The following ARL15 variants were observed in gnomAD, a reference collection of about 807,000 sequenced individuals.
ARL15 encodes the protein ADP-ribosylation factor-like protein 15.
A neutral mutation model predicts 25.2 loss-of-function variants in ARL15; 19 were observed. The ratio of observed to expected loss-of-function variants is 0.75; its 90% confidence interval spans 0.53 to 1.10. The LOEUF is 1.10. Ranked by LOEUF, ARL15 falls within the 50% of genes least tolerant of loss-of-function variation. ARL15 has a pLI of 0.00. For missense variants in ARL15, 220 were observed against 246.0 expected, an observed-to-expected ratio of 0.89 and a Z score of 0.71; for synonymous variants, 94 against 86.8, an observed-to-expected ratio of 1.08 and a Z score of -0.46.
At chr5:53,897,129 T>C (rs1415168047) in intron 4 of ARL15, among the ~76,000 whole-genome samples, 3 of 152,218 alleles carry the variant, frequency 2.0e-5, no homozygotes, top group Non-Finnish European at 2.9e-5. Flanking sequence ...TTTGAAAGCA[T>C]ACGATTCAGT....
intron 4 of ARL15, among the ~76,000 whole-genome samples, chr5:54,069,558 CAAAAAA>C (rs34795383): frequency 2.3e-3 from 109 of 48,084 alleles, no homozygotes; most frequent in Non-Finnish European, 2.9e-3. Context: ...CAAAACGTCT[CAAAAAA>C]AAAAAAAAAA....
chr5:54,266,032 G>C (rs913159630), intron 1 of ARL15, among the ~76,000 whole-genome samples: 1 of 152,206 alleles, frequency 6.6e-6, no homozygotes, highest in African/African-American at 2.4e-5. Context: ...TTTTATTTCA[G>C]ATCCCTGTTC....
chr5:54,065,120 T>C (rs1751179424), intron 4 of ARL15, among the ~76,000 whole-genome samples: 1 of 152,170 alleles, frequency 6.6e-6, no homozygotes, highest in Non-Finnish European at 1.5e-5. Flanking sequence ...AGCCACAGAA[T>C]TAAATAAATT....
rs545703372 is a variant in ARL15, at chr5:54,129,044, T to G, written c.254-15634A>C. Among the ~76,000 whole-genome samples the G allele has an allele frequency of 2.6e-5, 4 of 152,272 alleles. No individual in the cohort carries two copies. The East Asian group carries it at 7.7e-4, about 29-fold the overall frequency. On this transcript the variant is annotated intron_variant, in intron 3 of 4. Transcript: ENST00000504924. ...TTAAATAAAAACTGGAAAATTAAAT[T>G]TCTTTTCAGTGAGTTATAAGTAAAT...
At chr5:54,033,263 A>C (rs1028818401) in intron 4 of ARL15, among the ~76,000 whole-genome samples, 2 of 151,962 alleles carry the variant, frequency 1.3e-5, no homozygotes, top group Admixed American at 6.6e-5. Context: ...CAGTGAGCTG[A>C]GATCACACCA....
intron 1 of ARL15, among the ~76,000 whole-genome samples, chr5:54,257,339 T>C (rs1314318607): frequency 1.3e-4 from 20 of 152,278 alleles, no homozygotes; most frequent in Admixed American, 1.2e-3. Context: ...GAAAGATCTC[T>C]ACTAGGAGAT....
Position 53,991,768 on chromosome 5 carries a change from T to TGATTAATCTCCCACGTAGC in ARL15, c.463-105056_463-105055insGCTACGTGGGAGATTAATC, listed in dbSNP as rs1748509604. Among the ~76,000 whole-genome samples, 17 of 151,846 alleles carry TGATTAATCTCCCACGTAGC rather than the reference T, an allele frequency of 1.1e-4. No individual in the cohort carries two copies. In the South Asian group the frequency reaches 3.3e-3, roughly 30 times the overall value. On this transcript the variant is annotated intron_variant, in intron 4 of 4. Transcript: ENST00000504924. ...CTTGATTCATGAATCTCCCACGTAG[T>TGATTAATCTCCCACGTAGC]GGGAGAGTGATTAATCTCCCACTAT...
chr5:54,048,719 A>T (rs1310963928), intron 4 of ARL15, among the ~76,000 whole-genome samples: 3 of 151,578 alleles, frequency 2.0e-5, no homozygotes. Context: ...TCTATATTTC[A>T]TGATACTATA....
chr5:53,946,455 GAAAAAAAA>G (rs55727717), intron 4 of ARL15, among the ~76,000 whole-genome samples: 6 of 43,940 alleles, frequency 1.4e-4, no homozygotes, highest in East Asian at 8.0e-4. Context: ...GTCTCAAGAG[GAAAAAAAA>G]AAAAAAAAAA....
chr5:53,966,650 A>G (rs1747575792), intron 4 of ARL15, among the ~76,000 whole-genome samples: 1 of 152,198 alleles, frequency 6.6e-6, no homozygotes, highest in Admixed American at 6.5e-5. Flanking sequence ...TTAATTGCTC[A>G]CTTGGTGGTG....
At chr5:54,047,338 C>A (rs1287636004) in intron 4 of ARL15, among the ~76,000 whole-genome samples, 1 of 152,124 alleles carries the variant, frequency 6.6e-6, no homozygotes, top group African/African-American at 2.4e-5. Context: ...ATACCAAAAC[C>A]AACTAATCAA....
chr5:54,129,720 T>C (rs943044587), intron 3 of ARL15, among the ~76,000 whole-genome samples: 3 of 152,212 alleles, frequency 2.0e-5, no homozygotes, highest in Non-Finnish European at 2.9e-5. Context: ...GAAAGTCTGA[T>C]GAACGCCATT....
Position 54,266,904 on chromosome 5 carries a change from C to T in ARL15, c.48+43528G>A, listed in dbSNP as rs113917992. On this transcript the variant is annotated intron_variant, in intron 1 of 4. Transcript: ENST00000504924. ...TTACTAACAATAAAATGCACACACACGTGAGAAGCAAAAAATAATTGGCTC... is the reference window on the plus strand; with the variant it reads ...TTACTAACAATAAAATGCACACACATGTGAGAAGCAAAAAATAATTGGCTC... 6.3e-3 allele frequency among the ~76,000 whole-genome samples: 960 copies of T among 152,240 alleles called. 7 individuals are homozygous for T. The highest frequency in any genetic ancestry group is 0.022 in the African/African-American group (915 of 41,540).
At chr5:54,072,192 G>C (rs1322304241) in intron 4 of ARL15, among the ~76,000 whole-genome samples, 1 of 152,076 alleles carries the variant, frequency 6.6e-6, no homozygotes, top group Non-Finnish European at 1.5e-5. Flanking sequence ...AGACAGGTTG[G>C]TTACTATCAG....
At chr5:53,995,251 C>T (rs11742688) in intron 4 of ARL15, among the ~76,000 whole-genome samples, 39,842 of 143,158 alleles carry the variant, frequency 0.28, 5,593 homozygotes, top group East Asian at 0.46. Flanking sequence ...GAGGTTGCTC[C>T]GAGCCGAGAT....
chr5:54,081,568 C>T (rs1256424582), intron 4 of ARL15, among the ~76,000 whole-genome samples: 1 of 152,128 alleles, frequency 6.6e-6, no homozygotes, highest in African/African-American at 2.4e-5. Flanking sequence ...TTCCCCCATG[C>T]TCTTCTGGTA....
chr5:54,266,899 A>C lies in ARL15; in HGVS notation c.48+43533T>G, dbSNP rs550112148. On this transcript the variant is annotated intron_variant, in intron 1 of 4. Coordinates refer to ENST00000504924, the MANE Select transcript of ARL15 (RefSeq NM_019087.3). The stretch of plus-strand genomic sequence containing the variant: ...TCACATTACTAACAATAAAATGCAC[A>C]CACACGTGAGAAGCAAAAAATAATT... Among the ~76,000 whole-genome samples the C allele has an allele frequency of 1.8e-3, 274 of 152,342 alleles. 1 individual carries two copies. Among genetic ancestry groups the C allele is most frequent in the African/African-American group, 6.3e-3 (262 of 41,578 alleles).
rs546304727 is a variant in ARL15 at position 54,059,547 on chromosome 5, G to A, written c.462+53655C>T. ...ATAGCATTTATGCAAAAACCACAGA[G>A]ACAGAAAACAGTATTTGAGAAAATG... On this transcript the variant is annotated intron_variant, in intron 4 of 4. Transcript: ENST00000504924. 2.6e-5 allele frequency among the ~76,000 whole-genome samples: 4 copies of A among 152,318 alleles called. No homozygotes were observed. In the South Asian group the frequency reaches 8.3e-4, roughly 32 times the overall value.
intron 1 of ARL15, among the ~76,000 whole-genome samples, chr5:54,192,022 A>C (rs1755416760): frequency 6.6e-6 from 1 of 152,098 alleles, no homozygotes; most frequent in African/African-American, 2.4e-5. Flanking sequence ...TTCTTCACTC[A>C]GTCAGTTACT....
Sources: gnomAD v4.1 joint callset for allele counts (sites outside exome capture counted in the v4.1 genomes callset) on GRCh38, gnomAD v4.1.1 for gene constraint, MANE v1.5 for transcripts, NCBI Gene and HGNC (gene_info 2026-07-23, HGNC 2026-07-21) for gene names.